Variants in MACF1 observed in about 807,000 individuals in gnomAD.
MACF1 encodes microtubule actin crosslinking factor 1, also known as microtubule-actin cross-linking factor 1.
In MACF1, 193 loss-of-function variants were observed where a neutral mutation model predicts 854.8. The observed-to-expected ratio is 0.23, with a 90% CI of 0.20 to 0.25. The LOEUF (loss-of-function observed/expected upper bound fraction) is 0.25, where lower values mean the gene tolerates loss of function less well. Among genes scored for constraint, MACF1 ranks in the 10% least tolerant of loss-of-function variants. The pLI is 1.00. For missense variants in MACF1, 7,722 were observed against 8,929.1 expected, an observed-to-expected ratio of 0.86 and a Z score of 5.45; for synonymous variants, 3,185 against 3,226.7, an observed-to-expected ratio of 0.99 and a Z score of 0.44.
chr1:39,155,981 G>C (rs1257097747), intron 2 of MACF1, among the ~76,000 whole-genome samples: 1 of 152,066 alleles, frequency 6.6e-6, no homozygotes, highest in Non-Finnish European at 1.5e-5. Flanking sequence ...TTCGCCTCCC[G>C]GGTTCACACC....
At chr1:39,424,257 A>G in intron 61 of MACF1, 63 bp downstream of exon 61, 5 of 1,405,978 alleles carry the variant, frequency 3.6e-6, no homozygotes, top group Non-Finnish European at 3.9e-6. Context: ...TCGACTTATT[A>G]TCACTATAAG....
At chr1:39,265,893 A>C (rs1645225471) in intron 6 of MACF1, among the ~76,000 whole-genome samples, 2 of 152,304 alleles carry the variant, frequency 1.3e-5, no homozygotes, top group African/African-American at 4.8e-5. Context: ...ACATTATCTC[A>C]TTAACCTTGT....
At chr1:39,393,196 A>AAAAAAAAATATATATATAT (rs57576149) in intron 58 of MACF1, among the ~76,000 whole-genome samples, 1 of 66,576 alleles carries the variant, frequency 1.5e-5, no homozygotes, top group African/African-American at 8.4e-5. Flanking sequence ...AAAAAAAAAA[A>AAAAAAAAATATATATATAT]ATATATATAT....
rs201693600 is a variant in MACF1, at chr1:39,250,134, T to C, written c.261+31T>C. The C allele has an allele frequency of 2.9e-5, 43 of 1,462,894 alleles. No homozygotes were observed. The Admixed American group carries it at 3.4e-4, about 11-fold the overall frequency. 90.6% of individuals were successfully genotyped at this position (1,462,894 alleles called of 1,614,324 possible). On this transcript the variant is annotated intron_variant, in intron 3 of 100. Coordinates refer to ENST00000564288, the MANE Select transcript of MACF1 (RefSeq NM_001394062.1). ...CTTCTCCTAATGAATGGCCTCACAA[T>C]TGTGGCCCTACAAATGACATATTGG... is the stretch of plus-strand genomic sequence containing the variant.
Position 39,293,048 on chromosome 1 carries a change from G to A in MACF1, c.1992+205G>A, listed in dbSNP as rs543960492. Among the ~76,000 whole-genome samples, 32 of 152,276 alleles carry A rather than the reference G, an allele frequency of 2.1e-4. 1 individual carries two copies. The highest frequency in any genetic ancestry group is 7.5e-4 in the African/African-American group (31 of 41,558). The stretch of plus-strand genomic sequence containing the variant: ...GGGTCAGAAACTACTGTTCTTGAAC[G>A]TTTTAAATAAATAGAACCTATCCTA... On this transcript the variant is annotated intron_variant, in intron 17 of 100. Transcript: ENST00000564288.
intron 1 of MACF1, among the ~76,000 whole-genome samples, chr1:39,229,626 A>T (rs72661935): frequency 0.05 from 7,646 of 152,278 alleles, 273 homozygotes; most frequent in Non-Finnish European, 0.079. Flanking sequence ...GCAGATTGTC[A>T]TGGTGAATGT....
At chr1:39,445,164 G>A (rs946781328) in intron 80 of MACF1, among the ~76,000 whole-genome samples, 5 of 152,162 alleles carry the variant, frequency 3.3e-5, no homozygotes, top group Admixed American at 6.5e-5. Context: ...TGGGGACAGG[G>A]CATATAGGGA....
At position 39,105,414 on chromosome 1, in the gene MACF1, C is replaced by T; in HGVS notation, c.220+20976C>T. The T allele has an allele frequency of 3.0e-6, 3 of 987,504 alleles. No individual in the cohort carries two copies. Among genetic ancestry groups the T allele is most frequent in the South Asian group, 4.7e-5 (1 of 21,480 alleles). The allele number at this position is 987,504 out of a possible 1,614,324, so 61.2% of individuals were successfully genotyped here. A position where few individuals can be genotyped will look rare whatever the true frequency, so the allele number is the denominator to read the frequency against. ...GAGGACGCGGAAACGCGAGCCGGGA[C>T]CGGCGGAGCGCGAGCGGGCCGGGTG... On this transcript the variant is annotated intron_variant, in intron 2 of 93. Coordinates refer to the MACF1 transcript ENST00000361689. This position sits in a 1 kb window ranked among gnomAD's most constrained non-coding sequence, Gnocchi z 5.9.
At position 39,333,607 on chromosome 1, in the gene MACF1, C is replaced by G; in HGVS notation, c.7019C>G (p.Thr2340Ser). Residue 2340 changes from threonine (T) to serine (S), a missense_variant, in exon 37 of 101, where the codon ACT becomes AGT. By Grantham distance (58) the Thr-to-Ser change is moderately conservative. This residue lies in a region of MACF1 where 1,531 missense variants were observed against 1,601.6 expected (regional missense o/e 0.96). Coordinates refer to ENST00000564288, the MANE Select transcript of MACF1 (RefSeq NM_001394062.1). The stretch of plus-strand genomic sequence containing the variant: ...TTTCAGGGGTTCTTTGACTCTCAGA[C>G]TTGTGAGTCTTTGACAACTGAAGAA... The part of the protein sequence containing the change: ...NMFQGFFDSQ[T>S]CESLTTEEVI... The G allele has an allele frequency of 6.2e-7, 1 of 1,614,190 alleles. No individual in the cohort carries two copies. The highest frequency in any genetic ancestry group is 8.5e-7 in the Non-Finnish European group (1 of 1,180,032).
chr1:39,119,060 T>C (rs1439781536), intron 2 of MACF1, among the ~76,000 whole-genome samples: 1 of 152,200 alleles, frequency 6.6e-6, no homozygotes, highest in East Asian at 1.9e-4. Flanking sequence ...GGCTCACACC[T>C]GTAATCCCAG....
intron 2 of MACF1, among the ~76,000 whole-genome samples, chr1:39,232,440 G>T (rs1286195121): frequency 6.6e-6 from 1 of 152,038 alleles, no homozygotes; most frequent in Non-Finnish European, 1.5e-5. Context: ...GCTTTTTCCT[G>T]AATTACCTCT....
chr1:39,365,260 T>A (rs112320204), intron 49 of MACF1, among the ~76,000 whole-genome samples: 8,435 of 151,920 alleles, frequency 0.056, 298 homozygotes, highest in African/African-American at 0.098. Flanking sequence ...GTATTTTTAG[T>A]AGAGATGGGG....
At chr1:39,424,414 C>G (rs951472591) in intron 61 of MACF1, among the ~76,000 whole-genome samples, 2 of 152,170 alleles carry the variant, frequency 1.3e-5, no homozygotes, top group African/African-American at 4.8e-5. Context: ...AGCTGGAAAA[C>G]TCATTGCTCT....
chr1:39,417,896 A>T (rs1569991980), intron 58 of MACF1, among the ~76,000 whole-genome samples: 1 of 151,778 alleles, frequency 6.6e-6, no homozygotes, highest in East Asian at 1.9e-4. Context: ...TATTATGAGT[A>T]CCTACTCTGT....
chr1:39,247,348 G>A (rs930705927), intron 2 of MACF1, among the ~76,000 whole-genome samples: 4 of 152,068 alleles, frequency 2.6e-5, no homozygotes, highest in African/African-American at 9.7e-5. Flanking sequence ...TGGGATTACA[G>A]GTGTGAGCCA....
In MACF1 at chr1:39,105,322, G is replaced by C; in HGVS notation, c.220+20884G>C. The stretch of plus-strand genomic sequence containing the variant: ...GGGCCTGGCGCTCCTGACAGGAGGA[G>C]CCGCCGCCGCCGCCCGCCGCTGCAG... On this transcript the variant is annotated intron_variant, in intron 2 of 93. Coordinates refer to the MACF1 transcript ENST00000361689. The surrounding 1 kb of genome is among the most constrained non-coding windows in gnomAD (Gnocchi z 5.9). 1 of 822,574 alleles carries C rather than the reference G, an allele frequency of 1.2e-6. No homozygotes were observed. The highest frequency in any genetic ancestry group is 1.5e-6 in the Non-Finnish European group (1 of 682,150). The allele number at this position is 822,574 out of a possible 1,614,324, so 51.0% of individuals were successfully genotyped here. A position where few individuals can be genotyped will look rare whatever the true frequency, so the allele number is the denominator to read the frequency against.
At position 39,336,229 on chromosome 1, in the gene MACF1, G is replaced by T. The variant is rs1646808232; in HGVS notation, c.9641G>T (p.Gly3214Val). ...GACAGAAAAGACCTTCATCATCAGG[G>T]CAGCAAAAGTGATGATAAACTTTGT... ...FSDRKDLHHQ[G>V]SKSDDKLCGT... The change falls in exon 37 of 101, where the codon GGC becomes GTC. Residue 3214 changes from glycine (G) to valine (V), a missense_variant. Gly to Val is a moderately radical substitution (Grantham distance 109). This residue lies in a region of MACF1 where 854 missense variants were observed against 852.6 expected (regional missense o/e 1.00). Transcript: ENST00000564288. 1.2e-6 allele frequency: 2 copies of T among 1,614,070 alleles called. No homozygotes were observed. Among genetic ancestry groups the T allele is most frequent in the Non-Finnish European group, 1.7e-6 (2 of 1,179,992 alleles).
intron 58 of MACF1, among the ~76,000 whole-genome samples, chr1:39,395,503 C>G (rs993994412): frequency 6.6e-6 from 1 of 152,198 alleles, no homozygotes; most frequent in Admixed American, 6.5e-5. Flanking sequence ...CTTTCCCTGG[C>G]TGGAATTTAC....
chr1:39,231,102 A>AGATG, intron 1 of MACF1, 80 bp from the exon 2 acceptor site: 1 of 1,010,574 alleles, frequency 9.9e-7, no homozygotes, highest in Non-Finnish European at 1.6e-6. Flanking sequence ...AGAGAAACAG[A>AGATG]GATGTGGGCA....
Sources: gnomAD v4.1 joint callset for allele counts (sites outside exome capture counted in the v4.1 genomes callset) on GRCh38, gnomAD v4.1.1 for gene constraint, gnomAD v4.1.1 regional missense constraint, Gnocchi (gnomAD v3.1) non-coding constraint, MANE v1.5 for transcripts, NCBI Gene and HGNC (gene_info 2026-07-23, HGNC 2026-07-21) for gene names.